Variants in EVC observed in about 807,000 individuals in gnomAD.
EVC encodes EvC ciliary complex subunit 1.
Under a neutral mutation model 118.9 loss-of-function variants are expected in EVC, and 116 were observed. The observed-to-expected ratio is 0.98, with a 90% confidence interval of 0.84 to 1.14. The LOEUF (loss-of-function observed/expected upper bound fraction) is 1.14, where lower values mean the gene tolerates loss of function less well. Among genes scored for constraint, EVC ranks in the 50% most tolerant of loss-of-function variants. The probability of loss-of-function intolerance (pLI) is 0.00; values close to 1 mark genes in which losing one functional copy is unlikely to be tolerated. For synonymous variants in EVC, 619 were observed against 534.7 expected, an observed-to-expected ratio of 1.16 and a Z score of -2.18; for missense variants, 1,401 against 1,246.4, an observed-to-expected ratio of 1.12 and a Z score of -1.87.
chr4:5,813,099 T>A lies in EVC; in HGVS notation c.*2062T>A, dbSNP rs917867740. The A allele has an allele frequency of 6.6e-6, 1 of 152,228 alleles. No homozygotes were observed. The highest frequency in any genetic ancestry group is 2.4e-5 in the African/African-American group (1 of 41,452). 9.4% of individuals were successfully genotyped at this position (152,228 alleles called of 1,614,324 possible). ...AGCGCTTCCTTCAGTTCCTCACCCA[T>A]CAGCCAGTGGGCTCTCCAAAGTTAA... On this transcript the variant is annotated 3_prime_UTR_variant, in exon 21 of 21. Transcript: ENST00000264956.
chr4:5,813,564 CG>C lies in EVC; in HGVS notation c.*2531del. ...CTGCACAGAGTCCGATGGCTCCTCC[CG>C]GGGAAGCCTGATTTTGTGACGTGTG... On this transcript the variant is annotated 3_prime_UTR_variant, in exon 21 of 21. Transcript: ENST00000264956. The C allele has an allele frequency of 6.6e-6, 1 of 152,302 alleles. No individual in the cohort carries two copies. The highest frequency in any genetic ancestry group is 1.5e-5 in the Non-Finnish European group (1 of 68,044). The allele number at this position is 152,302 out of a possible 1,614,324, so 9.4% of individuals were successfully genotyped here.
intron 14 of EVC, among the ~76,000 whole-genome samples, chr4:5,797,797 A>C (rs1299347008): frequency 6.6e-6 from 1 of 152,208 alleles, no homozygotes; most frequent in Non-Finnish European, 1.5e-5. Flanking sequence ...ATATAATGAG[A>C]AATATATACT....
intron 12 of EVC, among the ~76,000 whole-genome samples, chr4:5,786,782 G>C (rs1400596729): frequency 6.6e-6 from 1 of 150,438 alleles, no homozygotes; most frequent in Non-Finnish European, 1.5e-5. Context: ...TGAGGCAGGA[G>C]AATGGCGTGA....
chr4:5,827,587 C>T, the EVC span, among the ~76,000 whole-genome samples: 1 of 152,150 alleles, frequency 6.6e-6, no homozygotes, highest in African/African-American at 2.4e-5. Context: ...GCCACACACA[C>T]AGAGCTCACC....
At position 5,804,975 on chromosome 4, in the gene EVC, C is replaced by T. The variant is rs141619432; in HGVS notation, c.2561+134C>T. ...TTGGGGGCCATCGGCCTTCCTCACCCGCTGCCTCTGTCCTGGTCTCTGCCC... is the reference window on the plus strand; with the variant it reads ...TTGGGGGCCATCGGCCTTCCTCACCTGCTGCCTCTGTCCTGGTCTCTGCCC... On this transcript the variant is annotated intron_variant, in intron 17 of 20. Transcript: ENST00000264956. 995 of 773,642 alleles carry T rather than the reference C, an allele frequency of 1.3e-3. 9 individuals are homozygous for T. In the African/African-American group the frequency reaches 0.014, roughly 11 times the overall value. The allele number at this position is 773,642 out of a possible 1,614,324, so 47.9% of individuals were successfully genotyped here. A position where few individuals can be genotyped will look rare whatever the true frequency, so the allele number is the denominator to read the frequency against.
chr4:5,777,849 T>TTGC (rs1182003966), intron 11 of EVC, among the ~76,000 whole-genome samples: 1 of 151,976 alleles, frequency 6.6e-6, no homozygotes, highest in Non-Finnish European at 1.5e-5. Context: ...GTTGTTGTTG[T>TTGC]TATTATACTT....
chr4:5,737,694 G>C lies in EVC; in HGVS notation c.703-4022G>C, dbSNP rs753618378. 6.6e-6 allele frequency among the ~76,000 whole-genome samples: 1 copy of C among 152,086 alleles called. No homozygotes were observed. Among genetic ancestry groups the C allele is most frequent in the Non-Finnish European group, 1.5e-5 (1 of 67,980 alleles). ...TCACAACACAGCTGTTTATAGCATA[G>C]TTTAAGCCCACTATTGACACCTACT... On this transcript the variant is annotated intron_variant, in intron 5 of 20. Transcript: ENST00000264956. The surrounding 1 kb of genome is among the most constrained non-coding windows in gnomAD (Gnocchi z 5.0).
intron 11 of EVC, among the ~76,000 whole-genome samples, chr4:5,770,563 C>T (rs556936619): frequency 9.9e-5 from 15 of 152,266 alleles, no homozygotes; most frequent in African/African-American, 2.6e-4. Context: ...AGTAGTGATT[C>T]GGAGAACACA....
At chr4:5,817,062 A>G (rs62297711), downstream of EVC, among the ~76,000 whole-genome samples, 18,496 of 152,272 alleles carry the variant, frequency 0.12, 2,228 homozygotes, top group African/African-American at 0.31. Flanking sequence ...CCCCAGCCTA[A>G]AGGTCACAGG....
At chr4:5,713,686 A>AAT (rs1281707256) in intron 1 of EVC, among the ~76,000 whole-genome samples, 12 of 150,310 alleles carry the variant, frequency 8.0e-5, no homozygotes, top group Non-Finnish European at 1.8e-4. Flanking sequence ...CAAAAAAAAA[A>AAT]AAAAAAAAAA....
At chr4:5,713,147 C>G (rs1007586508) in intron 1 of EVC, among the ~76,000 whole-genome samples, 32 of 152,220 alleles carry the variant, frequency 2.1e-4, no homozygotes, top group Admixed American at 1.5e-3. Context: ...GTTTGCACAG[C>G]TAGTCAGTTG....
At chr4:5,741,455 A>G (rs965774692) in intron 5 of EVC, among the ~76,000 whole-genome samples, 3 of 152,230 alleles carry the variant, frequency 2.0e-5, no homozygotes, top group Admixed American at 1.3e-4. Flanking sequence ...AGCACTCAAT[A>G]TTTGTTGAAT....
chr4:5,745,252 G>A lies in EVC; in HGVS notation c.850G>A (p.Glu284Lys), dbSNP rs370643731. ...ACTTCAGGTCAAACTGTCAAACACA[G>A]AAATGTCGGGGGCTGGTGACTCTGA... ...KGLQVKLSNT[E>K]MSGAGDSEYI... Residue 284 changes from glutamate to lysine, a missense_variant, in exon 7 of 21, where the codon GAA becomes AAA. Transcript: ENST00000264956. 8.7e-6 allele frequency: 14 copies of A among 1,613,922 alleles called. No homozygotes were observed. The African/African-American group carries it at 1.7e-4, about 20-fold the overall frequency.
chr4:5,750,425 G>C (rs1730174855), intron 8 of EVC, among the ~76,000 whole-genome samples: 3 of 152,196 alleles, frequency 2.0e-5, no homozygotes, highest in African/African-American at 7.2e-5. Flanking sequence ...CAGCATGACT[G>C]TCCTTCAGCC....
the EVC span, chr4:5,824,388 C>G: frequency 1.0e-6 from 1 of 985,358 alleles, no homozygotes; most frequent in Non-Finnish European, 1.2e-6. Flanking sequence ...GGGGAGGCCT[C>G]CTTGATTCAT....
chr4:5,714,405 T>C (rs941701761), intron 1 of EVC, among the ~76,000 whole-genome samples: 3 of 151,992 alleles, frequency 2.0e-5, no homozygotes, highest in African/African-American at 7.3e-5. Context: ...TTTCTACTTC[T>C]CAACAGTGGC....
intron 7 of EVC, among the ~76,000 whole-genome samples, chr4:5,745,713 TTC>T (rs1412339189): frequency 6.6e-6 from 1 of 152,234 alleles, no homozygotes; most frequent in Admixed American, 6.5e-5. Flanking sequence ...ACAGAATGGC[TTC>T]TCTGAAACAT....
chr4:5,727,416 G>A (rs534034654), intron 2 of EVC, among the ~76,000 whole-genome samples: 1 of 152,134 alleles, frequency 6.6e-6, no homozygotes, highest in South Asian at 2.1e-4. Context: ...TTTTGATGGG[G>A]TTGTTTGTTT....
intron 11 of EVC, among the ~76,000 whole-genome samples, chr4:5,772,364 A>G (rs968447544): frequency 2.0e-4 from 26 of 128,792 alleles, no homozygotes; most frequent in Admixed American, 6.1e-4. Context: ...GAGTCGTTCA[A>G]GAAGCAAACA....
Sources: allele counts gnomAD v4.1 joint callset (sites outside exome capture counted in the v4.1 genomes callset), GRCh38; gene constraint gnomAD v4.1.1; non-coding constraint Gnocchi (gnomAD v3.1); transcripts MANE v1.5; gene names NCBI Gene and HGNC (gene_info 2026-07-23, HGNC 2026-07-21).